The following URM1 variants were observed in gnomAD, a reference collection of about 807,000 sequenced individuals.
URM1 encodes ubiquitin related modifier 1.
A neutral mutation model predicts 17.7 loss-of-function variants in URM1; 11 were observed. That is an observed-to-expected ratio of 0.62 (90% CI 0.39 to 1.03). URM1 has a LOEUF of 1.03. Ranked by LOEUF, URM1 falls within the 50% of genes least tolerant of loss-of-function variation. The pLI is 0.00. For missense variants in URM1, 128 were observed against 129.2 expected (o/e 0.99, Z 0.04); for synonymous variants, 48 against 50.6 (o/e 0.95, Z 0.22).
intron 1 of URM1, among the ~76,000 whole-genome samples, chr9:128,376,563 GA>G (rs1833081138): frequency 6.6e-6 from 1 of 151,864 alleles, no homozygotes; most frequent in Non-Finnish European, 1.5e-5. Context: ...TCTGGAAGCT[GA>G]GGCAGAGGAT....
At chr9:128,373,413 C>T (rs1833037695) in intron 1 of URM1, among the ~76,000 whole-genome samples, 1 of 152,160 alleles carries the variant, frequency 6.6e-6, no homozygotes, top group Non-Finnish European at 1.5e-5. Flanking sequence ...ACACGCCCTT[C>T]ATTTTCTCTC....
chr9:128,377,649 A>G (rs1833095235), intron 1 of URM1, among the ~76,000 whole-genome samples: 1 of 152,142 alleles, frequency 6.6e-6, no homozygotes, highest in East Asian at 1.9e-4. Context: ...CAGCCTGGGC[A>G]ACAGAGTGAG....
intron 1 of URM1, among the ~76,000 whole-genome samples, chr9:128,377,675 ATAAAAT>A (rs1269551972): frequency 6.6e-6 from 1 of 152,156 alleles, no homozygotes; most frequent in African/African-American, 2.4e-5. Context: ...ACAGAGTAAA[ATAAAAT>A]TAAATATAAA....
chr9:128,380,638 T>TC lies in URM1; in HGVS notation c.106+2533dup, dbSNP rs1833146766. Among the ~76,000 whole-genome samples, 3 of 151,712 alleles carry TC rather than the reference T, an allele frequency of 2.0e-5. No individual in the cohort carries two copies. The South Asian group carries it at 6.2e-4, about 32-fold the overall frequency. On this transcript the variant is annotated intron_variant, in intron 2 of 4. Coordinates refer to ENST00000372853, the MANE Select transcript of URM1 (RefSeq NM_030914.4). ...CACAAATTTTCTTTTTTTTTTCTTT[T>TC]CTTTTTTTTTTTTTTGAGATGGAGT... is the stretch of plus-strand genomic sequence containing the variant.
At chr9:128,389,070 G>A (rs1833267682) in intron 3 of URM1, 191 bp from the exon 4 acceptor site, 2 of 1,377,944 alleles carry the variant, frequency 1.5e-6, no homozygotes, top group East Asian at 2.7e-5. Flanking sequence ...TGGCTACAAA[G>A]ACCATGCATG....
Position 128,387,868 on chromosome 9 carries a change from G to T in URM1, c.159G>T (p.Arg53=). The T allele has an allele frequency of 6.2e-7, 1 of 1,614,102 alleles. No individual in the cohort carries two copies. The highest frequency in any genetic ancestry group is 2.2e-5 in the East Asian group (1 of 44,886). Residue 53 remains arginine (R), a synonymous_variant, in exon 3 of 5, where the codon CGG becomes CGT. Coordinates refer to ENST00000372853, the MANE Select transcript of URM1 (RefSeq NM_030914.4). This position sits in a 1 kb window ranked among gnomAD's most constrained non-coding sequence, Gnocchi z 4.3. ...TCAAGAAGAATTTGCTAAAAGAGCG[G>T]CCAGAGTTGTTCATCCAGGGAGACA... The part of the protein sequence containing the change: ...IWIKKNLLKE[R]PELFIQGDSV...
chr9:128,386,732 A>G (rs1359761907), intron 2 of URM1, among the ~76,000 whole-genome samples: 2 of 152,196 alleles, frequency 1.3e-5, no homozygotes, highest in Non-Finnish European at 2.9e-5. Flanking sequence ...CAGGCAGGAA[A>G]ATCAAGGCCT....
Position 128,378,044 on chromosome 9 carries a change from C to T in URM1, c.44C>T (p.Ala15Val), listed in dbSNP as rs200405492. The stretch of plus-strand genomic sequence containing the variant: ...CTGGTCCTCCTTTGCAGAGGTGGTG[C>T]GGAGCTCCTGTTTGACGGTATTAAG... ...LSVEVEFGGG[A>V]ELLFDGIKKH... is the part of the protein sequence containing the mutation. The change falls in exon 2 of 5, where the codon GCG becomes GTG. Residue 15 changes from alanine to valine, a missense_variant. By Grantham distance (64) the Ala-to-Val change is moderately conservative. Coordinates refer to ENST00000372853, the MANE Select transcript of URM1 (RefSeq NM_030914.4). 14 of 1,611,820 alleles carry T rather than the reference C, an allele frequency of 8.7e-6. No homozygotes were observed. Among genetic ancestry groups the T allele is most frequent in the African/African-American group, 8.0e-5 (6 of 74,704 alleles).
At position 128,387,944 on chromosome 9, in the gene URM1, G is replaced by T; in HGVS notation, c.188+47G>T. 6.2e-7 allele frequency: 1 copy of T among 1,611,680 alleles called. No homozygotes were observed. Among genetic ancestry groups the T allele is most frequent in the Admixed American group, 1.7e-5 (1 of 59,962 alleles). On this transcript the variant is annotated intron_variant, in intron 3 of 4. Coordinates refer to ENST00000372853, the MANE Select transcript of URM1 (RefSeq NM_030914.4). This position sits in a 1 kb window ranked among gnomAD's most constrained non-coding sequence, Gnocchi z 4.3. ...CCTGAAGCAGGTGGAGGGAGGGACG[G>T]ATATTTGAGCCCCCACCCTCGGGTT... is the stretch of plus-strand genomic sequence containing the variant.
At chr9:128,386,385 T>A (rs766367741) in intron 2 of URM1, among the ~76,000 whole-genome samples, 4 of 152,196 alleles carry the variant, frequency 2.6e-5, no homozygotes, top group Non-Finnish European at 5.9e-5. Context: ...GGCAGCATTT[T>A]CCCCATCCCA....
At position 128,387,154 on chromosome 9, in the gene URM1, G is replaced by A. The variant is rs533994274; in HGVS notation, c.107-662G>A. ...GCAGATCTCAGTGTTAGCTGAGCTG[G>A]AGAGGCCCTGTCACCCGAACCTCTG... On this transcript the variant is annotated intron_variant, in intron 2 of 4. Transcript: ENST00000372853. This position sits in a 1 kb window ranked among gnomAD's most constrained non-coding sequence, Gnocchi z 4.3. Among the ~76,000 whole-genome samples, 90 of 152,342 alleles carry A rather than the reference G, an allele frequency of 5.9e-4. No homozygotes were observed. Among genetic ancestry groups the A allele is most frequent in the African/African-American group, 2.1e-3 (88 of 41,586 alleles).
chr9:128,371,836 G>C (rs1029341442), intron 1 of URM1, among the ~76,000 whole-genome samples: 1 of 152,128 alleles, frequency 6.6e-6, no homozygotes, highest in African/African-American at 2.4e-5. Flanking sequence ...TGTTATTAAG[G>C]TCTTGTTTCT....
chr9:128,387,867 G>T lies in URM1; in HGVS notation c.158G>T (p.Arg53Leu). 1 of 1,614,070 alleles carries T rather than the reference G, an allele frequency of 6.2e-7. No homozygotes were observed. The highest frequency in any genetic ancestry group is 8.5e-7 in the Non-Finnish European group (1 of 1,180,002). The change falls in exon 3 of 5, where the codon CGG (arginine) becomes CTG (leucine). Residue 53 changes from arginine (R) to leucine (L), a missense_variant. Arg to Leu is a moderately radical substitution (Grantham distance 102). Transcript: ENST00000372853. The surrounding 1 kb of genome is among the most constrained non-coding windows in gnomAD (Gnocchi z 4.3). Reference protein sequence around the residue: ...IWIKKNLLKERPELFIQGDSV... With the variant: ...IWIKKNLLKELPELFIQGDSV... Reference sequence around the variant, plus strand: ...ATCAAGAAGAATTTGCTAAAAGAGCGGCCAGAGTTGTTCATCCAGGGAGAC... The same window carrying T: ...ATCAAGAAGAATTTGCTAAAAGAGCTGCCAGAGTTGTTCATCCAGGGAGAC...
At position 128,387,724 on chromosome 9, in the gene URM1, G is replaced by A. The variant is rs942708619; in HGVS notation, c.107-92G>A. ...GTCTAAAAGAAGCCCTCTAAACACC[G>A]TGTGTATTTCCTTGTGGGCCAGGCA... On this transcript the variant is annotated intron_variant, in intron 2 of 4. Transcript: ENST00000372853. This position sits in a 1 kb window ranked among gnomAD's most constrained non-coding sequence, Gnocchi z 4.3. The A allele has an allele frequency of 2.4e-5, 38 of 1,588,318 alleles. No homozygotes were observed. Among genetic ancestry groups the A allele is most frequent in the Admixed American group, 1.5e-4 (9 of 58,734 alleles).
intron 1 of URM1, among the ~76,000 whole-genome samples, chr9:128,377,007 T>G (rs1370859084): frequency 1.3e-5 from 2 of 151,794 alleles, no homozygotes; most frequent in East Asian, 3.9e-4. Context: ...GATAATAATT[T>G]CCCGGGTGCC....
chr9:128,379,660 C>T (rs1218080496), intron 2 of URM1, among the ~76,000 whole-genome samples: 2 of 151,832 alleles, frequency 1.3e-5, no homozygotes, highest in Non-Finnish European at 1.5e-5. Flanking sequence ...ATTAGCTGGG[C>T]GTGGTGGCAT....
chr9:128,383,607 T>C (rs1270363407), intron 2 of URM1, among the ~76,000 whole-genome samples: 2 of 152,154 alleles, frequency 1.3e-5, no homozygotes, highest in African/African-American at 2.4e-5. Context: ...TGGGTGGGAA[T>C]GACAGGAAGA....
intron 2 of URM1, among the ~76,000 whole-genome samples, chr9:128,381,045 C>T (rs1395357609): frequency 2.6e-5 from 4 of 152,012 alleles, no homozygotes; most frequent in African/African-American, 4.8e-5. Flanking sequence ...AGGATGGTCT[C>T]GATCTCCTGA....
intron 2 of URM1, among the ~76,000 whole-genome samples, chr9:128,383,295 T>G (rs1833183318): frequency 6.6e-6 from 1 of 152,206 alleles, no homozygotes; most frequent in Admixed American, 6.5e-5. Flanking sequence ...GAGGCCAGTT[T>G]AGCCCACAAA....
Sources: allele counts gnomAD v4.1 joint callset (sites outside exome capture counted in the v4.1 genomes callset), GRCh38; gene constraint gnomAD v4.1.1; non-coding constraint Gnocchi (gnomAD v3.1); transcripts MANE v1.5; gene names NCBI Gene and HGNC (gene_info 2026-07-23, HGNC 2026-07-21).